TRPM3: variants seen among roughly 807,000 people sequenced by gnomAD.
TRPM3 encodes the protein long transient receptor potential channel 3.
A neutral mutation model predicts 181.2 loss-of-function variants in TRPM3; 77 were observed. That is an observed-to-expected ratio of 0.42 (90% confidence interval 0.35 to 0.51). The LOEUF (loss-of-function observed/expected upper bound fraction) is 0.51, where lower values mean the gene tolerates loss of function less well. TRPM3 is among the 20% of genes least tolerant of loss of function. The pLI is 0.01. For missense variants in TRPM3, 1,759 were observed against 2,196.7 expected, an observed-to-expected ratio of 0.80 and a Z score of 3.98; for synonymous variants, 745 against 796.4, an observed-to-expected ratio of 0.94 and a Z score of 1.09.
At chr9:70,595,865 A>G (rs532619033) in intron 21 of TRPM3, among the ~76,000 whole-genome samples, 310 of 152,288 alleles carry the variant, frequency 2.0e-3, no homozygotes, top group Non-Finnish European at 3.4e-3. Flanking sequence ...AAAATCCCCA[A>G]TTGAACTGGG....
rs941966675 is a variant in TRPM3 at position 71,094,279 on chromosome 9, T to A, written c.177+26899A>T. Among the ~76,000 whole-genome samples the A allele has an allele frequency of 2.0e-4, 31 of 151,976 alleles. No homozygotes were observed. The South Asian group carries it at 2.5e-3, about 12-fold the overall frequency. On this transcript the variant is annotated intron_variant, in intron 1 of 25. Coordinates refer to ENST00000677713, the MANE Select transcript of TRPM3 (RefSeq NM_001366145.2). ...AAAATTTTTAAAATAAAATAAATTT[T>A]AAAAAAAACTTAAAAAAATATTTGG...
chr9:70,948,592 A>G (rs1158045664), intron 1 of TRPM3, among the ~76,000 whole-genome samples: 1 of 152,192 alleles, frequency 6.6e-6, no homozygotes, highest in Non-Finnish European at 1.5e-5. Context: ...TCTACTAACA[A>G]TTGGAGAGAC....
intron 7 of TRPM3, among the ~76,000 whole-genome samples, chr9:70,763,098 G>A (rs2078445529): frequency 6.6e-6 from 1 of 152,168 alleles, no homozygotes; most frequent in Admixed American, 6.5e-5. Context: ...CTGCTTTGAG[G>A]AGGGTGGCAT....
intron 1 of TRPM3, among the ~76,000 whole-genome samples, chr9:71,370,085 G>C (rs879688562): frequency 6.6e-6 from 1 of 152,026 alleles, no homozygotes; most frequent in Non-Finnish European, 1.5e-5. Context: ...TGATAAATTC[G>C]TGTGTTCTGA....
intron 6 of TRPM3, among the ~76,000 whole-genome samples, chr9:70,819,090 A>G (rs2092944047): frequency 6.6e-6 from 1 of 152,246 alleles, no homozygotes; most frequent in Non-Finnish European, 1.5e-5. Flanking sequence ...TAGAAAAAAC[A>G]AAAAGAAAAC....
chr9:71,126,973 T>TACTTAACA (rs1355429480), intron 1 of TRPM3, among the ~76,000 whole-genome samples: 2 of 152,060 alleles, frequency 1.3e-5, no homozygotes, highest in Admixed American at 1.3e-4. Context: ...TGTATAAGGA[T>TACTTAACA]ACTTAACAAG....
chr9:70,635,462 ATTTTTTTT>A (rs71505401), intron 11 of TRPM3, among the ~76,000 whole-genome samples: 23 of 113,116 alleles, frequency 2.0e-4, no homozygotes, highest in African/African-American at 6.1e-4. Flanking sequence ...TTTGTCAGTG[ATTTTTTTT>A]TTTTTTTTTT....
intron 1 of TRPM3, among the ~76,000 whole-genome samples, chr9:70,980,067 G>GCGCACACACACACACACACACACA (rs142852346): frequency 1.5e-5 from 2 of 137,888 alleles, no homozygotes; most frequent in African/African-American, 2.9e-5. Flanking sequence ...GCATGTGCGT[G>GCGCACACACACACACACACACACA]CACACACACA....
At chr9:71,435,689 T>C (rs117454524) in intron 1 of TRPM3, among the ~76,000 whole-genome samples, 185 of 152,362 alleles carry the variant, frequency 1.2e-3, no homozygotes, top group Non-Finnish European at 2.0e-3. Context: ...TCAATGCCTA[T>C]GGAAGGCAGA....
intron 5 of TRPM3, among the ~76,000 whole-genome samples, chr9:70,838,456 G>A (rs1157893564): frequency 6.6e-6 from 1 of 152,132 alleles, no homozygotes; most frequent in East Asian, 1.9e-4. Flanking sequence ...CCAGCCTCCT[G>A]AATTGTGGAA....
At chr9:71,110,849 A>G (rs1293916625) in intron 1 of TRPM3, among the ~76,000 whole-genome samples, 1 of 152,198 alleles carries the variant, frequency 6.6e-6, no homozygotes, top group East Asian at 1.9e-4. Context: ...ATAAATGACT[A>G]GATTTTATCT....
chr9:70,763,001 C>T (rs2078425464), intron 7 of TRPM3, among the ~76,000 whole-genome samples: 1 of 152,148 alleles, frequency 6.6e-6, no homozygotes, highest in Non-Finnish European at 1.5e-5. Flanking sequence ...GATGGGGAGC[C>T]AGAAGATGTC....
intron 1 of TRPM3, among the ~76,000 whole-genome samples, chr9:71,018,285 A>G (rs2134461914): frequency 6.6e-6 from 1 of 151,882 alleles, no homozygotes; most frequent in South Asian, 2.1e-4. Flanking sequence ...GGGGAAAAAA[A>G]GTTAAATCAA....
At chr9:70,852,270 A>C (rs1268919502) in intron 3 of TRPM3, among the ~76,000 whole-genome samples, 1 of 151,888 alleles carries the variant, frequency 6.6e-6, no homozygotes, top group Non-Finnish European at 1.5e-5. Context: ...GTACCTTCTC[A>C]CATACTCCTC....
intron 5 of TRPM3, among the ~76,000 whole-genome samples, chr9:70,837,854 C>T (rs1042777083): frequency 1.3e-5 from 2 of 152,114 alleles, no homozygotes; most frequent in African/African-American, 2.4e-5. Context: ...TAAAGATACT[C>T]TATCACTGAA....
chr9:71,162,980 G>A (rs1273178221), intron 1 of TRPM3, among the ~76,000 whole-genome samples: 1 of 152,156 alleles, frequency 6.6e-6, no homozygotes, highest in Non-Finnish European at 1.5e-5. Context: ...AATTTACATA[G>A]TGCATGTGGG....
chr9:71,147,193 A>G (rs537895126), intron 1 of TRPM3, among the ~76,000 whole-genome samples: 1 of 152,310 alleles, frequency 6.6e-6, no homozygotes, highest in East Asian at 1.9e-4. Flanking sequence ...GTGAAAAAAT[A>G]GAGTATTTTC....
intron 1 of TRPM3, among the ~76,000 whole-genome samples, chr9:71,226,694 A>G (rs1228029229): frequency 6.6e-6 from 1 of 152,128 alleles, no homozygotes; most frequent in Non-Finnish European, 1.5e-5. Flanking sequence ...GTATATACAC[A>G]TTATATATAT....
At chr9:71,113,274 A>G (rs2071540644) in intron 1 of TRPM3, among the ~76,000 whole-genome samples, 1 of 152,202 alleles carries the variant, frequency 6.6e-6, no homozygotes, top group Non-Finnish European at 1.5e-5. Context: ...GAACAGAGAT[A>G]TATTTATGAG....
Sources: gnomAD v4.1 joint callset for allele counts (sites outside exome capture counted in the v4.1 genomes callset) on GRCh38, gnomAD v4.1.1 for gene constraint, MANE v1.5 for transcripts, NCBI Gene and HGNC (gene_info 2026-07-23, HGNC 2026-07-21) for gene names.